The following FOLH1 variants were observed in gnomAD, a reference collection of about 807,000 sequenced individuals.
The protein encoded by FOLH1 is folate hydrolase 1.
In FOLH1, 54 loss-of-function variants were observed where a neutral mutation model predicts 93.9. That is an observed-to-expected ratio of 0.57 (90% CI 0.46 to 0.72). The LOEUF is 0.72. Among genes scored for constraint, FOLH1 ranks in the 30% least tolerant of loss-of-function variants. FOLH1 has a pLI of 0.00. For synonymous variants in FOLH1, 249 were observed against 303.6 expected (o/e 0.82, Z 1.87); for missense variants, 571 against 892.5 (o/e 0.64, Z 4.59).
chr11:49,194,737 G>A (rs996780865), intron 3 of FOLH1, among the ~76,000 whole-genome samples: 16 of 151,668 alleles, frequency 1.1e-4, no homozygotes, highest in African/African-American at 2.7e-4. Flanking sequence ...ACATAAACCC[G>A]CTGAAAAAGA....
intron 8 of FOLH1, among the ~76,000 whole-genome samples, chr11:49,175,259 G>T (rs1859867817): frequency 6.6e-6 from 1 of 152,040 alleles, no homozygotes; most frequent in Admixed American, 6.6e-5. Flanking sequence ...GGTTTTGAGG[G>T]GTGGTAAATG....
At chr11:49,198,738 T>G (rs1296022831) in intron 3 of FOLH1, among the ~76,000 whole-genome samples, 1 of 151,902 alleles carries the variant, frequency 6.6e-6, no homozygotes, top group Non-Finnish European at 1.5e-5. Context: ...TATTGCCTTT[T>G]CAATATAATA....
At chr11:49,184,924 A>G (rs1222561371) in intron 6 of FOLH1, among the ~76,000 whole-genome samples, 1 of 152,170 alleles carries the variant, frequency 6.6e-6, no homozygotes, top group Non-Finnish European at 1.5e-5. Flanking sequence ...CCTGAATTTG[A>G]ATCCAACTGC....
intron 1 of FOLH1, among the ~76,000 whole-genome samples, chr11:49,206,549 G>T (rs1280250447): frequency 6.6e-6 from 1 of 152,174 alleles, no homozygotes; most frequent in South Asian, 2.1e-4. Flanking sequence ...CTTTCATAAA[G>T]TTTCTATCTT....
intron 2 of FOLH1, among the ~76,000 whole-genome samples, chr11:49,201,661 C>CCCT (rs1863270222): frequency 2.6e-5 from 4 of 152,118 alleles, no homozygotes; most frequent in Non-Finnish European, 5.9e-5. Flanking sequence ...TAAGAGGCAG[C>CCCT]TAAGGAGTCT....
intron 13 of FOLH1, among the ~76,000 whole-genome samples, chr11:49,159,772 G>A (rs1427653760): frequency 1.3e-5 from 2 of 152,068 alleles, no homozygotes; most frequent in African/African-American, 2.4e-5. Context: ...GCTTTTTTTG[G>A]TTGGTAAGCT....
chr11:49,167,639 A>AT (rs1858573270), intron 12 of FOLH1, among the ~76,000 whole-genome samples: 1 of 152,114 alleles, frequency 6.6e-6, no homozygotes, highest in Admixed American at 6.6e-5. Flanking sequence ...ATATGGTCAA[A>AT]TGTCATCTCC....
At chr11:49,186,023 GC>G (rs1861323785) in intron 5 of FOLH1, 168 bp from the exon 6 acceptor site, 1 of 964,162 alleles carries the variant, frequency 1.0e-6, no homozygotes, top group Non-Finnish European at 1.4e-6. Flanking sequence ...TTTTCTTTTT[GC>G]TACTATAAGC....
chr11:49,148,122 A>T (rs1855995144), intron 18 of FOLH1, among the ~76,000 whole-genome samples: 1 of 152,066 alleles, frequency 6.6e-6, no homozygotes, highest in Admixed American at 6.6e-5. Context: ...ACCTGGGGAC[A>T]GTCAATGTTT....
intron 2 of FOLH1, 67 bp downstream of exon 2, chr11:49,206,000 T>G: frequency 2.0e-6 from 3 of 1,473,682 alleles, no homozygotes; most frequent in South Asian, 1.3e-5. Flanking sequence ...TATAAAATAT[T>G]GGACCAAAAC....
chr11:49,196,150 T>G (rs1408137899), intron 3 of FOLH1, among the ~76,000 whole-genome samples: 1 of 151,992 alleles, frequency 6.6e-6, no homozygotes, highest in Admixed American at 6.6e-5. Flanking sequence ...TAAGACTCGG[T>G]CAAAAACAAC....
chr11:49,163,316 T>C (rs1218403765), intron 13 of FOLH1, among the ~76,000 whole-genome samples: 1 of 151,664 alleles, frequency 6.6e-6, no homozygotes, highest in Non-Finnish European at 1.5e-5. Flanking sequence ...CACCCATTGA[T>C]GAGGAACGTA....
intron 6 of FOLH1, 34 bp from the exon 7 acceptor site, chr11:49,183,276 A>C (rs12785804): frequency 6.5e-7 from 1 of 1,529,458 alleles, no homozygotes; most frequent in Non-Finnish European, 9.0e-7. Flanking sequence ...TCCAGTAAAA[A>C]CTCAGTTTCA....
intron 3 of FOLH1, among the ~76,000 whole-genome samples, chr11:49,197,406 C>T (rs1235113885): frequency 6.6e-6 from 1 of 152,092 alleles, no homozygotes; most frequent in African/African-American, 2.4e-5. Context: ...CACTGGTAGC[C>T]TCAAATTATA....
chr11:49,172,365 G>A (rs960935346), intron 10 of FOLH1, among the ~76,000 whole-genome samples: 3 of 151,984 alleles, frequency 2.0e-5, no homozygotes, highest in Non-Finnish European at 1.5e-5. Flanking sequence ...AGAACTGAGC[G>A]CCTTTACATT....
chr11:49,154,326 C>T lies in FOLH1; in HGVS notation c.1790G>A (p.Cys597Tyr), dbSNP rs1856777642. Residue 597 changes from cysteine (C) to tyrosine (Y), a missense_variant, in exon 16 of 19, where the codon TGT becomes TAT. Transcript: ENST00000256999. The part of the protein sequence containing the change: ...LANSIVLPFD[C>Y]RDYAVVLRKY... The stretch of plus-strand genomic sequence containing the variant: ...TCTTAAAACTACAGCATAATCTCGA[C>T]AATCAAAAGGGAGCACTATGGAATT... 6.2e-7 allele frequency: 1 copy of T among 1,613,244 alleles called. No homozygotes were observed.
chr11:49,194,615 G>A (rs1394396421), intron 3 of FOLH1, among the ~76,000 whole-genome samples: 2 of 151,864 alleles, frequency 1.3e-5, no homozygotes, highest in African/African-American at 2.4e-5. Flanking sequence ...GAAGGTAAAA[G>A]TGACCTAAAT....
chr11:49,164,676 G>T (rs764870897), intron 13 of FOLH1, 29 bp downstream of exon 13: 1 of 1,503,664 alleles, frequency 6.7e-7, no homozygotes, highest in South Asian at 1.2e-5. Flanking sequence ...TAGAATTTGG[G>T]TTTTCTTAAA....
chr11:49,158,557 T>C (rs1318897827), intron 13 of FOLH1, among the ~76,000 whole-genome samples: 8 of 152,086 alleles, frequency 5.3e-5, no homozygotes, highest in Admixed American at 5.2e-4. Context: ...AGCCTCATAG[T>C]ATAGTTTGAT....
Sources: allele counts gnomAD v4.1 joint callset (sites outside exome capture counted in the v4.1 genomes callset), GRCh38; gene constraint gnomAD v4.1.1; transcripts MANE v1.5; gene names NCBI Gene and HGNC (gene_info 2026-07-23, HGNC 2026-07-21).